QTMAN: variants seen among roughly 807,000 people sequenced by gnomAD.
QTMAN encodes the protein tRNA-queuosine alpha-mannosyltransferase.
At chr2:144,171,359 A>C in the QTMAN span, among the ~76,000 whole-genome samples, 1 of 152,172 alleles carries the variant, frequency 6.6e-6, no homozygotes, top group South Asian at 2.1e-4. Context: ...TATACTGTGT[A>C]AAGAGGTCTG....
the QTMAN span, among the ~76,000 whole-genome samples, chr2:144,292,429 C>A: frequency 6.6e-6 from 1 of 152,084 alleles, no homozygotes; most frequent in South Asian, 2.1e-4. Flanking sequence ...AGAACTAATA[C>A]AATTTTTTTT....
At chr2:144,221,264 T>C in the QTMAN span, among the ~76,000 whole-genome samples, 1 of 152,218 alleles carries the variant, frequency 6.6e-6, no homozygotes, top group Non-Finnish European at 1.5e-5. Flanking sequence ...GATTCAGCAA[T>C]ACCACTTTTA....
chr2:144,118,797 T>C, the QTMAN span, among the ~76,000 whole-genome samples: 1 of 152,218 alleles, frequency 6.6e-6, no homozygotes, highest in Admixed American at 6.5e-5. Context: ...AGGAGAATGG[T>C]GTGAACCTGG....
the QTMAN span, among the ~76,000 whole-genome samples, chr2:144,056,767 G>A: frequency 5.9e-5 from 9 of 152,248 alleles, no homozygotes; most frequent in Middle Eastern, 3.4e-3. Context: ...AGAGTGAATC[G>A]AAGCTTTTCT....
the QTMAN span, among the ~76,000 whole-genome samples, chr2:144,098,094 T>C: frequency 1.2e-4 from 19 of 152,218 alleles, no homozygotes; most frequent in Admixed American, 4.6e-4. Flanking sequence ...GGAGGTGCTA[T>C]GTAAGCTTCT....
chr2:144,051,075 T>C, the QTMAN span, among the ~76,000 whole-genome samples: 5 of 152,216 alleles, frequency 3.3e-5, no homozygotes, highest in South Asian at 4.1e-4. Context: ...TATCATTATA[T>C]TGAGTATGAA....
At chr2:144,108,123 T>C in the QTMAN span, among the ~76,000 whole-genome samples, 15 of 152,100 alleles carry the variant, frequency 9.9e-5, no homozygotes, top group Non-Finnish European at 1.2e-4. Context: ...TAAGAGCTAT[T>C]TATGACAAAC....
chr2:144,039,493 T>C, the QTMAN span, among the ~76,000 whole-genome samples: 1 of 152,134 alleles, frequency 6.6e-6, no homozygotes, highest in Admixed American at 6.5e-5. Context: ...CTTGAAAGGA[T>C]AAAAACAAGT....
the QTMAN span, among the ~76,000 whole-genome samples, chr2:144,268,797 A>G: frequency 6.6e-6 from 1 of 150,664 alleles, no homozygotes; most frequent in Non-Finnish European, 1.5e-5. Context: ...CCAAATTTCC[A>G]TTTTTTTTTG....
At chr2:143,997,019 C>A in the QTMAN span, among the ~76,000 whole-genome samples, 1 of 151,956 alleles carries the variant, frequency 6.6e-6, no homozygotes, top group Non-Finnish European at 1.5e-5. Context: ...GTAAGAGCAC[C>A]TTTTTGCTTT....
chr2:144,226,548 T>C, the QTMAN span, among the ~76,000 whole-genome samples: 924 of 152,256 alleles, frequency 6.1e-3, 14 homozygotes, highest in African/African-American at 0.021. Flanking sequence ...GTACTGCTTT[T>C]GAATATTAAA....
the QTMAN span, chr2:144,208,493 T>C: frequency 1.1e-6 from 1 of 897,730 alleles, no homozygotes; most frequent in Non-Finnish European, 1.7e-6. Flanking sequence ...ATAGTCATAA[T>C]AACCAATTCC....
chr2:144,210,079 CTGTG>C, the QTMAN span, among the ~76,000 whole-genome samples: 2 of 151,376 alleles, frequency 1.3e-5, no homozygotes, highest in African/African-American at 2.4e-5. Context: ...CTGTGGGGGA[CTGTG>C]TGTGTATATT....
the QTMAN span, among the ~76,000 whole-genome samples, chr2:144,126,831 C>G: frequency 6.6e-6 from 1 of 151,968 alleles, no homozygotes; most frequent in African/African-American, 2.4e-5. Context: ...GAGAAAGGCT[C>G]TATCACCTAA....
chr2:144,207,282 T>G, the QTMAN span, among the ~76,000 whole-genome samples: 1 of 152,240 alleles, frequency 6.6e-6, no homozygotes, highest in East Asian at 1.9e-4. Context: ...CTCACTGCTA[T>G]TCCATCTGAC....
chr2:144,197,889 C>CGTT, the QTMAN span, among the ~76,000 whole-genome samples: 5 of 152,150 alleles, frequency 3.3e-5, no homozygotes, highest in Non-Finnish European at 7.3e-5. Context: ...TTATAGCACT[C>CGTT]GTTGGTGTTT....
the QTMAN span, among the ~76,000 whole-genome samples, chr2:144,303,590 G>C: frequency 6.6e-6 from 1 of 152,270 alleles, no homozygotes; most frequent in Non-Finnish European, 1.5e-5. Context: ...AATTTTTTGT[G>C]ATGAGATATG....
the QTMAN span, among the ~76,000 whole-genome samples, chr2:143,968,665 G>A: frequency 3.9e-5 from 6 of 152,136 alleles, no homozygotes; most frequent in African/African-American, 9.7e-5. Context: ...CTCCAGCATC[G>A]TTTCTCAATC....
At chr2:144,277,094 A>G in the QTMAN span, among the ~76,000 whole-genome samples, 1 of 152,230 alleles carries the variant, frequency 6.6e-6, no homozygotes, top group Non-Finnish European at 1.5e-5. Context: ...GGTGCCCACT[A>G]GCCACATGTA....
Sources: gnomAD v4.1 joint callset for allele counts (sites outside exome capture counted in the v4.1 genomes callset) on GRCh38, gnomAD v4.1.1 for gene constraint, MANE v1.5 for transcripts, NCBI Gene and HGNC (gene_info 2026-07-23, HGNC 2026-07-21) for gene names.